Variants in FCHO2 observed in about 807,000 individuals in gnomAD.
FCHO2 encodes the protein F-BAR domain only protein 2.
FCHO2 carries 43 observed loss-of-function variants against 114.1 expected under a neutral mutation model. The ratio of observed to expected loss-of-function variants is 0.38; its 90% CI spans 0.30 to 0.49. FCHO2 has a LOEUF of 0.49. FCHO2 is among the 20% of genes least tolerant of loss of function. The pLI, the probability that FCHO2 is intolerant of heterozygous loss-of-function variation, is 0.97. For missense variants in FCHO2, 807 were observed against 950.4 expected, an observed-to-expected ratio of 0.85 and a Z score of 1.98; for synonymous variants, 293 against 315.2, an observed-to-expected ratio of 0.93 and a Z score of 0.75.
chr5:73,034,780 A>ATAGCAGTCC, intron 9 of FCHO2, 79 bp downstream of exon 9: 2 of 1,186,790 alleles, frequency 1.7e-6, no homozygotes, highest in Non-Finnish European at 2.4e-6. Context: ...ATAAGGAGGG[A>ATAGCAGTCC]CTGCTATCCC....
At chr5:73,006,409 G>A (rs184766454) in intron 5 of FCHO2, 36 bp from the exon 6 acceptor site, 2 of 1,302,774 alleles carry the variant, frequency 1.5e-6, no homozygotes, top group Non-Finnish European at 1.0e-6. Flanking sequence ...AAAGGTCAAT[G>A]CACAGTTAAA....
chr5:72,976,976 G>A (rs62360749), intron 2 of FCHO2, among the ~76,000 whole-genome samples: 17,892 of 152,100 alleles, frequency 0.12, 1,268 homozygotes, highest in Non-Finnish European at 0.17. Context: ...TTATGGCTGC[G>A]TAGATTCCAT....
At chr5:72,968,269 G>A (rs1352147479) in intron 1 of FCHO2, among the ~76,000 whole-genome samples, 2 of 152,122 alleles carry the variant, frequency 1.3e-5, no homozygotes, top group Admixed American at 6.5e-5. Context: ...ATTACAAAGT[G>A]TATGCATATA....
chr5:72,995,115 TAA>T (rs1402103994), intron 5 of FCHO2, among the ~76,000 whole-genome samples: 1 of 151,784 alleles, frequency 6.6e-6, no homozygotes, highest in Non-Finnish European at 1.5e-5. Context: ...GAACCTAAAA[TAA>T]AAGTTAAAAA....
chr5:73,006,972 A>G (rs969562400), intron 6 of FCHO2, among the ~76,000 whole-genome samples: 3 of 152,200 alleles, frequency 2.0e-5, no homozygotes, highest in Non-Finnish European at 4.4e-5. Context: ...AGCTTGGGAT[A>G]AATTATATTT....
At chr5:73,000,486 A>G (rs1754377085) in intron 5 of FCHO2, among the ~76,000 whole-genome samples, 1 of 150,952 alleles carries the variant, frequency 6.6e-6, no homozygotes, top group Non-Finnish European at 1.5e-5. Context: ...AAAAAAAAAA[A>G]AAAAAAAAGC....
intron 2 of FCHO2, among the ~76,000 whole-genome samples, chr5:72,980,187 C>T (rs1753126661): frequency 6.6e-6 from 1 of 152,108 alleles, no homozygotes; most frequent in Admixed American, 6.5e-5. Flanking sequence ...TTATTTCTGC[C>T]TTCATTTCGT....
rs1468511264 is a variant in FCHO2, at chr5:73,074,798, G to T, written c.1636G>T (p.Ala546Ser). The T allele has an allele frequency of 1.1e-5, 18 of 1,612,964 alleles. No individual in the cohort carries two copies. Among genetic ancestry groups the T allele is most frequent in the Non-Finnish European group, 1.4e-5 (16 of 1,179,482 alleles). Residue 546 changes from alanine to serine, a missense_variant, in exon 20 of 26, where the codon GCA (alanine) becomes TCA (serine). Coordinates refer to ENST00000430046, the MANE Select transcript of FCHO2 (RefSeq NM_138782.3). ...TGGAAATCAGGATACCTTACCTGTGGCAGTTGCCCTTACAGAATCTGTTAA... is the reference window on the plus strand; with the variant it reads ...TGGAAATCAGGATACCTTACCTGTGTCAGTTGCCCTTACAGAATCTGTTAA... The part of the protein sequence containing the change: ...SLGNQDTLPV[A>S]VALTESVNAY...
intron 6 of FCHO2, 147 bp downstream of exon 6, chr5:73,006,696 C>A: frequency 1.8e-6 from 1 of 559,152 alleles, no homozygotes; most frequent in Non-Finnish European, 3.0e-6. Context: ...AAATACATGT[C>A]GCGTTTTGGA....
At chr5:73,036,092 C>T (rs900518048) in intron 9 of FCHO2, among the ~76,000 whole-genome samples, 1 of 152,082 alleles carries the variant, frequency 6.6e-6, no homozygotes, top group Non-Finnish European at 1.5e-5. Flanking sequence ...GTGATCCGCC[C>T]ACGTCGGCCT....
At chr5:72,990,649 A>T in intron 4 of FCHO2, 30 bp downstream of exon 4, 1 of 1,527,616 alleles carries the variant, frequency 6.5e-7, no homozygotes, top group Non-Finnish European at 8.8e-7. Flanking sequence ...TAAATAATTG[A>T]TTGGTCAGAT....
chr5:73,023,678 C>A, intron 8 of FCHO2, among the ~76,000 whole-genome samples: 1 of 148,178 alleles, frequency 6.7e-6, no homozygotes, highest in South Asian at 2.2e-4. Context: ...CCAGCCTAGG[C>A]AACAAGAGCG....
At chr5:72,958,187 T>G (rs747933417) in intron 1 of FCHO2, among the ~76,000 whole-genome samples, 3 of 152,200 alleles carry the variant, frequency 2.0e-5, no homozygotes, top group Non-Finnish European at 1.5e-5. Flanking sequence ...CGTGAAGTCT[T>G]GGTGAAGTCC....
chr5:72,956,791 G>A (rs1276863993), intron 1 of FCHO2, among the ~76,000 whole-genome samples: 1 of 152,008 alleles, frequency 6.6e-6, no homozygotes, highest in African/African-American at 2.4e-5. Context: ...CCTACTCTGT[G>A]CTCCTTCCCC....
intron 6 of FCHO2, among the ~76,000 whole-genome samples, chr5:73,007,169 G>A (rs1754761223): frequency 6.6e-6 from 1 of 152,128 alleles, no homozygotes; most frequent in South Asian, 2.1e-4. Flanking sequence ...TCAGGTCAGA[G>A]TAAGTATGCT....
At chr5:73,014,029 G>C (rs1350778216) in intron 6 of FCHO2, among the ~76,000 whole-genome samples, 1 of 151,934 alleles carries the variant, frequency 6.6e-6, no homozygotes, top group Non-Finnish European at 1.5e-5. Flanking sequence ...GGCAAGCAGT[G>C]GTTTCCTCTC....
chr5:73,015,804 G>C (rs1414593254), intron 7 of FCHO2, 80 bp downstream of exon 7: 4 of 776,578 alleles, frequency 5.2e-6, no homozygotes, highest in African/African-American at 3.7e-5. Context: ...TTCTCACTCT[G>C]TTCAAAGTTC....
intron 2 of FCHO2, among the ~76,000 whole-genome samples, chr5:72,985,782 G>A (rs1037852555): frequency 6.6e-6 from 1 of 152,000 alleles, no homozygotes; most frequent in African/African-American, 2.4e-5. Context: ...GATTTATTTT[G>A]TTCTTTCTCT....
chr5:73,053,387 G>A (rs1757422315), intron 13 of FCHO2, among the ~76,000 whole-genome samples: 1 of 152,230 alleles, frequency 6.6e-6, no homozygotes, highest in Middle Eastern at 3.4e-3. Flanking sequence ...TTGAAGTACA[G>A]AGTTGCTTAA....
Sources: allele counts gnomAD v4.1 joint callset (sites outside exome capture counted in the v4.1 genomes callset), GRCh38; gene constraint gnomAD v4.1.1; transcripts MANE v1.5; gene names NCBI Gene and HGNC (gene_info 2026-07-23, HGNC 2026-07-21).